CNTLN: variants seen among roughly 807,000 people sequenced by gnomAD.
CNTLN encodes the protein centlein, also known as centlein, centrosomal protein.
In CNTLN, 212 loss-of-function variants were observed where a neutral mutation model predicts 180.0. The observed-to-expected ratio is 1.18, with a 90% CI of 1.05 to 1.32. The LOEUF (loss-of-function observed/expected upper bound fraction) is 1.32. CNTLN is among the 40% of genes most tolerant of loss of function. CNTLN has a pLI of 0.00. For missense variants in CNTLN, 2,095 were observed against 1,610.9 expected (o/e 1.30, Z -5.14); for synonymous variants, 722 against 563.1 (o/e 1.28, Z -3.99).
At chr9:17,332,938 T>G in intron 10 of CNTLN, among the ~76,000 whole-genome samples, 1 of 152,142 alleles carries the variant, frequency 6.6e-6, no homozygotes, top group East Asian at 1.9e-4. Context: ...AGTAAATGTT[T>G]ATTTACTACT....
intron 5 of CNTLN, among the ~76,000 whole-genome samples, chr9:17,267,038 A>T (rs1276267072): frequency 6.6e-6 from 1 of 152,136 alleles, no homozygotes; most frequent in East Asian, 1.9e-4. Flanking sequence ...GCCCATTTAC[A>T]TTTAAAGTTA....
chr9:17,276,176 T>G (rs561468017), intron 6 of CNTLN, among the ~76,000 whole-genome samples: 1 of 152,156 alleles, frequency 6.6e-6, no homozygotes, highest in East Asian at 1.9e-4. Context: ...AGGAGAAGAA[T>G]AATAGCACAG....
chr9:17,219,190 G>A (rs780021185), intron 2 of CNTLN, among the ~76,000 whole-genome samples: 1 of 151,542 alleles, frequency 6.6e-6, no homozygotes, highest in African/African-American at 2.4e-5. Flanking sequence ...TAGCTAAACA[G>A]GAGTTTGTCT....
At chr9:17,360,442 C>G (rs1350311058) in intron 12 of CNTLN, among the ~76,000 whole-genome samples, 1 of 152,040 alleles carries the variant, frequency 6.6e-6, no homozygotes, top group African/African-American at 2.4e-5. Context: ...CTAAACTGAC[C>G]TTATCAGGAT....
chr9:17,338,338 T>TTTTTTTTTTG, intron 10 of CNTLN, among the ~76,000 whole-genome samples: 1 of 23,720 alleles, frequency 4.2e-5, no homozygotes, highest in Non-Finnish European at 1.1e-4. Context: ...CTAATTTTTG[T>TTTTTTTTTTG]TTTTTTTTTT....
At chr9:17,388,418 A>G (rs909299972) in intron 14 of CNTLN, among the ~76,000 whole-genome samples, 165 bp downstream of exon 14, 1 of 152,124 alleles carries the variant, frequency 6.6e-6, no homozygotes, top group African/African-American at 2.4e-5. Flanking sequence ...AAAAAAAATC[A>G]ATGTTAGTGA....
chr9:17,396,109 T>C (rs1232751874), intron 15 of CNTLN, among the ~76,000 whole-genome samples: 1 of 152,220 alleles, frequency 6.6e-6, no homozygotes, highest in Non-Finnish European at 1.5e-5. Context: ...ATCAGCAAGT[T>C]ACCCTATGTG....
rs199564773 is a variant in CNTLN, at chr9:17,416,035, G to A, written c.2960G>A (p.Arg987Gln). Residue 987 changes from arginine (R) to glutamine (Q), a missense_variant, in exon 18 of 26, where the codon CGG becomes CAG. Arg to Gln is a conservative substitution (Grantham distance 43). Coordinates refer to ENST00000380647, the MANE Select transcript of CNTLN (RefSeq NM_017738.4). ...AGCAATATTATTTTATTACGAGAAC[G>A]GATTATATCCTTGCAACAACAAAAC... Reference protein sequence around the residue: ...SSSNIILLRERIISLQQQNSV... With the variant: ...SSSNIILLREQIISLQQQNSV... 2.5e-4 allele frequency: 396 copies of A among 1,613,170 alleles called. 1 individual carries two copies. Among genetic ancestry groups the A allele is most frequent in the Non-Finnish European group, 2.9e-4 (348 of 1,179,668 alleles).
chr9:17,522,832 A>G, the CNTLN span, among the ~76,000 whole-genome samples: 9 of 152,118 alleles, frequency 5.9e-5, no homozygotes, highest in African/African-American at 2.2e-4. Flanking sequence ...TTGATTTTCC[A>G]TTCACCTGCA....
At chr9:17,282,512 A>G (rs1402826865) in intron 6 of CNTLN, among the ~76,000 whole-genome samples, 2 of 152,150 alleles carry the variant, frequency 1.3e-5, no homozygotes, top group East Asian at 1.9e-4. Flanking sequence ...ATAGATTGCA[A>G]AAATTTTCTC....
chr9:17,449,823 A>G (rs756641184), intron 18 of CNTLN, among the ~76,000 whole-genome samples: 3 of 152,242 alleles, frequency 2.0e-5, no homozygotes, highest in Non-Finnish European at 2.9e-5. Context: ...AAAATTTGCT[A>G]TAAAGGCATA....
At chr9:17,198,390 T>C (rs1031756179) in intron 2 of CNTLN, among the ~76,000 whole-genome samples, 35 of 150,134 alleles carry the variant, frequency 2.3e-4, no homozygotes, top group African/African-American at 4.9e-4. Context: ...TTCTTTCTTT[T>C]TTTTTTTTTT....
At chr9:17,379,179 T>C (rs2133570721) in intron 13 of CNTLN, among the ~76,000 whole-genome samples, 1 of 152,212 alleles carries the variant, frequency 6.6e-6, no homozygotes, top group East Asian at 1.9e-4. Flanking sequence ...TTCCCTCGGC[T>C]AGTCAGAGCA....
intron 3 of CNTLN, among the ~76,000 whole-genome samples, chr9:17,231,841 T>G (rs943429284): frequency 1.3e-5 from 2 of 151,354 alleles, no homozygotes; most frequent in Non-Finnish European, 1.5e-5. Flanking sequence ...TTATGCCTGC[T>G]TCATACTCAC....
At chr9:17,140,665 C>T (rs1181298844) in intron 1 of CNTLN, among the ~76,000 whole-genome samples, 1 of 152,170 alleles carries the variant, frequency 6.6e-6, no homozygotes, top group Non-Finnish European at 1.5e-5. Context: ...CAGTCTCAAA[C>T]TCCTGGGCTC....
At chr9:17,281,646 A>G (rs1828671009) in intron 6 of CNTLN, among the ~76,000 whole-genome samples, 1 of 152,052 alleles carries the variant, frequency 6.6e-6, no homozygotes, top group Non-Finnish European at 1.5e-5. Flanking sequence ...ATCATATTCC[A>G]TGTTGTATAT....
At chr9:17,332,506 T>C (rs1366254904) in intron 9 of CNTLN, 99 bp from the exon 10 acceptor site, 2 of 1,141,272 alleles carry the variant, frequency 1.8e-6, no homozygotes, top group Admixed American at 5.4e-5. Context: ...TTTTTATAAT[T>C]CATTATTAGT....
intron 18 of CNTLN, among the ~76,000 whole-genome samples, chr9:17,446,196 T>G (rs1043952579): frequency 1.3e-5 from 2 of 152,146 alleles, no homozygotes; most frequent in African/African-American, 2.4e-5. Flanking sequence ...ATCCTCCATA[T>G]GCTGAACGCT....
intron 18 of CNTLN, among the ~76,000 whole-genome samples, chr9:17,422,409 C>G (rs762069940): frequency 6.6e-6 from 1 of 152,030 alleles, no homozygotes; most frequent in African/African-American, 2.4e-5. Context: ...CCCTCTGATA[C>G]GTGAATTATT....
Sources: allele counts gnomAD v4.1 joint callset (sites outside exome capture counted in the v4.1 genomes callset), GRCh38; gene constraint gnomAD v4.1.1; transcripts MANE v1.5; gene names NCBI Gene and HGNC (gene_info 2026-07-23, HGNC 2026-07-21).